Variants in CBFA2T2 observed in about 807,000 individuals in gnomAD.
CBFA2T2 encodes the protein CBFA2/RUNX1 partner transcriptional co-repressor 2.
In CBFA2T2, 11 loss-of-function variants were observed where a neutral mutation model predicts 62.2. The observed-to-expected ratio is 0.18, with a 90% CI of 0.11 to 0.29. CBFA2T2 has a LOEUF of 0.29. CBFA2T2 is among the 10% of genes least tolerant of loss of function. CBFA2T2 has a pLI of 1.00. For synonymous variants in CBFA2T2, 295 were observed against 287.5 expected, an observed-to-expected ratio of 1.03 and a Z score of -0.27; for missense variants, 592 against 774.1, an observed-to-expected ratio of 0.76 and a Z score of 2.79.
rs2011136041 is a variant in CBFA2T2 at position 33,490,230 on chromosome 20, G to A, written c.-38G>A. On this transcript the variant is annotated 5_prime_UTR_variant, in exon 1 of 11. Transcript: ENST00000342704. ...GGCGCCTGCGAGGGACCCGTGTCGCGGGTAGAGGCGGGCGGCGCGCGGCGG... is the reference window on the plus strand; with the variant it reads ...GGCGCCTGCGAGGGACCCGTGTCGCAGGTAGAGGCGGGCGGCGCGCGGCGG... The A allele has an allele frequency of 4.1e-6, 5 of 1,225,680 alleles. No homozygotes were observed. Among genetic ancestry groups the A allele is most frequent in the African/African-American group, 1.6e-5 (1 of 63,730 alleles). 75.9% of individuals were successfully genotyped at this position (1,225,680 alleles called of 1,614,324 possible).
In CBFA2T2 at chr20:33,584,480, A is replaced by G. The variant is rs183024751; in HGVS notation, c.35-22476A>G. Among the ~76,000 whole-genome samples the G allele has an allele frequency of 4.0e-3, 577 of 145,862 alleles. 6 individuals are homozygous for G. The highest frequency in any genetic ancestry group is 0.014 in the African/African-American group (557 of 39,156). On this transcript the variant is annotated intron_variant, in intron 1 of 10. Coordinates refer to ENST00000342704, the MANE Select transcript of CBFA2T2 (RefSeq NM_001032999.3). Reference sequence around the variant, plus strand: ...CCATGTGTTTGCCAGGATGGTCTCAATCTCCTGACCTCCTGAACTGCCCGT... The same window carrying G: ...CCATGTGTTTGCCAGGATGGTCTCAGTCTCCTGACCTCCTGAACTGCCCGT...
At chr20:33,529,782 T>TATATATATATATATATA (rs2012001366) in intron 1 of CBFA2T2, among the ~76,000 whole-genome samples, 1 of 140,684 alleles carries the variant, frequency 7.1e-6, no homozygotes, top group African/African-American at 2.7e-5. Flanking sequence ...TATATATATA[T>TATATATATATATATATA]TTCTTTTTTT....
At chr20:33,526,133 C>A (rs191411658) in intron 1 of CBFA2T2, among the ~76,000 whole-genome samples, 3 of 151,592 alleles carry the variant, frequency 2.0e-5, no homozygotes, top group Non-Finnish European at 2.9e-5. Context: ...TGAATCCTCC[C>A]GCCTTGGCCT....
chr20:33,495,080 T>A (rs1190653178), intron 1 of CBFA2T2, among the ~76,000 whole-genome samples: 1 of 152,106 alleles, frequency 6.6e-6, no homozygotes, highest in African/African-American at 2.4e-5. Context: ...ATTGCTCTGA[T>A]GAAATCTAGT....
chr20:33,626,481 T>C (rs2016232937), intron 6 of CBFA2T2, among the ~76,000 whole-genome samples: 1 of 152,146 alleles, frequency 6.6e-6, no homozygotes, highest in Non-Finnish European at 1.5e-5. Flanking sequence ...GAATGCCTGG[T>C]ATATAGGTGC....
At chr20:33,554,865 T>G (rs2012851271) in intron 1 of CBFA2T2, among the ~76,000 whole-genome samples, 1 of 152,176 alleles carries the variant, frequency 6.6e-6, no homozygotes, top group Non-Finnish European at 1.5e-5. Context: ...TTAATTTAGA[T>G]TGAATGTCAG....
At chr20:33,540,255 A>G (rs1433681553) in intron 1 of CBFA2T2, among the ~76,000 whole-genome samples, 2 of 152,198 alleles carry the variant, frequency 1.3e-5, no homozygotes, top group East Asian at 3.9e-4. Flanking sequence ...GTATAGTCTT[A>G]TGTCTTTTAA....
At chr20:33,636,258 C>CA (rs34178424) in intron 8 of CBFA2T2, among the ~76,000 whole-genome samples, 14,188 of 74,582 alleles carry the variant, frequency 0.19, 1,290 homozygotes, top group Non-Finnish European at 0.25. Context: ...GACTCCGTCT[C>CA]AAAAAAAAAA....
rs2015367461 is a variant in CBFA2T2 at position 33,607,046 on chromosome 20, T to C, written c.125T>C (p.Leu42Pro). Residue 42 changes from leucine to proline, a missense_variant, in exon 2 of 11, where the codon CTC becomes CCC. Around this residue, in one of 3 missense-constraint regions of CBFA2T2, gnomAD observed 449 missense variants for 551.2 expected, o/e 0.81. Transcript: ENST00000342704. ...SRSSPPTMPP[L>P]PPINPGGPRP... ...TCCTCACCTCCCACCATGCCACCCC[T>C]CCCACCAATAAATCCTGGAGGACCG... 6.2e-7 allele frequency: 1 copy of C among 1,614,032 alleles called. No individual in the cohort carries two copies. Among genetic ancestry groups the C allele is most frequent in the Non-Finnish European group, 8.5e-7 (1 of 1,179,956 alleles).
At position 33,629,773 on chromosome 20, in the gene CBFA2T2, C is replaced by T. The variant is rs1280936456; in HGVS notation, c.1087C>T (p.Leu363=). The T allele has an allele frequency of 5.0e-6, 8 of 1,614,132 alleles. No homozygotes were observed. Among genetic ancestry groups the T allele is most frequent in the Non-Finnish European group, 6.8e-6 (8 of 1,180,030 alleles). ...VEKTRRSMAV[L]RRCQESDREE... ...GAAAACAAGGCGCTCTATGGCAGTT[C>T]TGCGGCGCTGTCAGGAATCAGATCG... The change falls in exon 8 of 11, where the codon CTG becomes TTG. Residue 363 remains leucine, a synonymous_variant. Coordinates refer to ENST00000342704, the MANE Select transcript of CBFA2T2 (RefSeq NM_001032999.3).
intron 1 of CBFA2T2, among the ~76,000 whole-genome samples, chr20:33,597,227 C>T (rs1417492931): frequency 3.3e-5 from 5 of 152,030 alleles, no homozygotes; most frequent in African/African-American, 7.2e-5. Flanking sequence ...CCACTGTACC[C>T]GGCCTTTTGA....
chr20:33,558,935 G>A (rs1037515681), intron 1 of CBFA2T2, among the ~76,000 whole-genome samples: 7 of 151,788 alleles, frequency 4.6e-5, no homozygotes, highest in Admixed American at 6.6e-5. Flanking sequence ...GCCTATCATC[G>A]AAATAATGAA....
At chr20:33,621,375 C>T (rs754950086) in intron 4 of CBFA2T2, among the ~76,000 whole-genome samples, 30 of 140,650 alleles carry the variant, frequency 2.1e-4, no homozygotes, top group Non-Finnish European at 3.6e-4. Flanking sequence ...CTCGGCTCTA[C>T]AACCTCTGCC....
chr20:33,494,271 ATATTTTTTTTTTTT>A (rs2011175665), intron 1 of CBFA2T2, among the ~76,000 whole-genome samples: 1 of 21,070 alleles, frequency 4.7e-5, no homozygotes, highest in Non-Finnish European at 8.9e-5. Flanking sequence ...ATATATATAT[ATATTTTTTTTTTTT>A]TTTTTTTTTT....
At chr20:33,583,020 T>G (rs1257594690) in intron 1 of CBFA2T2, among the ~76,000 whole-genome samples, 1 of 152,196 alleles carries the variant, frequency 6.6e-6, no homozygotes, top group Non-Finnish European at 1.5e-5. Context: ...TAGTTTTTTC[T>G]TATACATGTG....
intron 1 of CBFA2T2, among the ~76,000 whole-genome samples, chr20:33,594,346 C>A (rs537159772): frequency 6.6e-6 from 1 of 152,118 alleles, no homozygotes; most frequent in Admixed American, 6.6e-5. Context: ...CTCAGCCTCC[C>A]GAGTAGCTGG....
intron 1 of CBFA2T2, 53 bp downstream of exon 1, chr20:33,490,354 C>T: frequency 1.6e-6 from 2 of 1,253,178 alleles, no homozygotes; most frequent in Non-Finnish European, 2.0e-6. Context: ...GGGCCTGCGG[C>T]TCCGCAGGCG....
Position 33,624,882 on chromosome 20 carries a change from C to A in CBFA2T2, c.811C>A (p.Pro271Thr). The A allele has an allele frequency of 6.2e-7, 1 of 1,613,630 alleles. No individual in the cohort carries two copies. Among genetic ancestry groups the A allele is most frequent in the Non-Finnish European group, 8.5e-7 (1 of 1,179,662 alleles). The change falls in exon 6 of 11, where the codon CCC becomes ACC. Residue 271 changes from proline (P) to threonine (T), a missense_variant. Coordinates refer to ENST00000342704, the MANE Select transcript of CBFA2T2 (RefSeq NM_001032999.3). ...TGCTCTCACTGTGCCCCTCATGAAT[C>A]CCGGGGGCCAATTCCATCCTACCCC... is the stretch of plus-strand genomic sequence containing the variant. Reference protein sequence around the residue: ...SPALTVPLMNPGGQFHPTPPP... With the variant: ...SPALTVPLMNTGGQFHPTPPP...
intron 1 of CBFA2T2, chr20:33,600,394 GC>G: frequency 3.1e-6 from 1 of 320,618 alleles, no homozygotes; most frequent in Non-Finnish European, 6.3e-6. Context: ...CACCATGTTG[GC>G]CAGGCTCGTC....
Sources: gnomAD v4.1 joint callset for allele counts (sites outside exome capture counted in the v4.1 genomes callset) on GRCh38, gnomAD v4.1.1 for gene constraint, gnomAD v4.1.1 regional missense constraint, MANE v1.5 for transcripts, NCBI Gene and HGNC (gene_info 2026-07-23, HGNC 2026-07-21) for gene names.